FHIT: variants seen among roughly 807,000 people sequenced by gnomAD.
The protein encoded by FHIT is bis(5'-adenosyl)-triphosphatase.
Under a neutral mutation model 17.9 loss-of-function variants are expected in FHIT, and 19 were observed. That is an observed-to-expected ratio of 1.06 (90% CI 0.74 to 1.56). The LOEUF is 1.56. Among genes scored for constraint, FHIT ranks in the 40% most tolerant of loss-of-function variants. The pLI is 0.00. For missense variants in FHIT, 248 were observed against 189.2 expected, an observed-to-expected ratio of 1.31 and a Z score of -1.82; for synonymous variants, 81 against 69.7, an observed-to-expected ratio of 1.16 and a Z score of -0.81.
intron 1 of FHIT, among the ~76,000 whole-genome samples, chr3:61,207,304 G>A (rs1560074114): frequency 6.6e-6 from 1 of 152,048 alleles, no homozygotes; most frequent in African/African-American, 2.4e-5. Flanking sequence ...TCTCTGCCCA[G>A]CTTTGGTATC....
chr3:61,240,199 C>T (rs1417370524), intron 1 of FHIT, among the ~76,000 whole-genome samples: 2 of 152,184 alleles, frequency 1.3e-5, no homozygotes, highest in Admixed American at 6.5e-5. Flanking sequence ...ATCCACCAGG[C>T]TGGCAGAACC....
intron 5 of FHIT, among the ~76,000 whole-genome samples, chr3:60,506,392 T>G (rs565115051): frequency 6.6e-6 from 1 of 152,306 alleles, no homozygotes; most frequent in African/African-American, 2.4e-5. Context: ...TTATCTATAT[T>G]ACAGAGATTG....
intron 3 of FHIT, among the ~76,000 whole-genome samples, chr3:60,889,346 C>T (rs1705383445): frequency 1.3e-5 from 2 of 152,228 alleles, no homozygotes; most frequent in Non-Finnish European, 2.9e-5. Context: ...ATTGTTCCAT[C>T]TGTAAGGGCG....
chr3:60,799,765 T>A (rs1049819584), intron 4 of FHIT, among the ~76,000 whole-genome samples: 3 of 152,226 alleles, frequency 2.0e-5, no homozygotes, highest in Non-Finnish European at 2.9e-5. Flanking sequence ...TATATATGAT[T>A]CTTGCTATAT....
intron 2 of FHIT, among the ~76,000 whole-genome samples, chr3:61,067,438 A>C (rs1284403705): frequency 6.6e-6 from 1 of 152,190 alleles, no homozygotes; most frequent in Non-Finnish European, 1.5e-5. Flanking sequence ...CTGGTTCTTA[A>C]TTGTCCCAGC....
intron 5 of FHIT, among the ~76,000 whole-genome samples, chr3:60,351,660 A>C (rs139774593): frequency 1.3e-5 from 2 of 152,328 alleles, no homozygotes; most frequent in Non-Finnish European, 2.9e-5. Context: ...GTGGTGAGGA[A>C]AGCAAGATAA....
chr3:59,960,597 T>A (rs1162442833), intron 7 of FHIT, among the ~76,000 whole-genome samples: 2 of 152,184 alleles, frequency 1.3e-5, no homozygotes, highest in Non-Finnish European at 2.9e-5. Flanking sequence ...CTAGAAATGG[T>A]TGAGGCTTTG....
At chr3:60,836,756 G>A (rs539440615) in intron 3 of FHIT, among the ~76,000 whole-genome samples, 4 of 152,218 alleles carry the variant, frequency 2.6e-5, no homozygotes, top group South Asian at 4.1e-4. Context: ...TCAGATTCCC[G>A]CCCAAAGCAA....
At chr3:59,868,155 A>T (rs1420078609) in intron 8 of FHIT, among the ~76,000 whole-genome samples, 1 of 151,816 alleles carries the variant, frequency 6.6e-6, no homozygotes, top group Non-Finnish European at 1.5e-5. Flanking sequence ...AAATTTTCTC[A>T]AATCATAAAT....
At chr3:59,752,877 T>C (rs1184258064) in intron 8 of FHIT, among the ~76,000 whole-genome samples, 1 of 152,150 alleles carries the variant, frequency 6.6e-6, no homozygotes, top group Non-Finnish European at 1.5e-5. Context: ...CTGTTCCTTA[T>C]AAATTACCCA....
intron 5 of FHIT, among the ~76,000 whole-genome samples, chr3:60,319,117 C>T (rs1237979742): frequency 2.0e-5 from 3 of 152,154 alleles, no homozygotes; most frequent in Non-Finnish European, 4.4e-5. Flanking sequence ...AACCTGATCA[C>T]ATCTGCAAAG....
intron 4 of FHIT, among the ~76,000 whole-genome samples, chr3:60,725,711 G>T (rs1417762585): frequency 2.0e-5 from 3 of 152,066 alleles, no homozygotes; most frequent in African/African-American, 7.2e-5. Flanking sequence ...ATATCAGGAA[G>T]CAGTACCACC....
intron 5 of FHIT, among the ~76,000 whole-genome samples, chr3:60,462,929 C>T (rs1485794104): frequency 6.6e-6 from 1 of 152,192 alleles, no homozygotes; most frequent in Admixed American, 6.5e-5. Context: ...CCATGTATTC[C>T]TGGTCATATT....
chr3:60,730,291 T>G (rs1202448909), intron 4 of FHIT: 1 of 263,240 alleles, frequency 3.8e-6, no homozygotes, highest in African/African-American at 2.3e-5. Context: ...AGCTTCTGTT[T>G]CCATGTCTTC....
intron 3 of FHIT, among the ~76,000 whole-genome samples, chr3:60,854,920 C>T (rs1553749492): frequency 6.6e-6 from 1 of 152,114 alleles, no homozygotes; most frequent in Non-Finnish European, 1.5e-5. Context: ...CTACCATACA[C>T]AAGTATTTGT....
At chr3:60,704,343 T>G (rs1247193168) in intron 4 of FHIT, among the ~76,000 whole-genome samples, 1 of 152,218 alleles carries the variant, frequency 6.6e-6, no homozygotes, top group Non-Finnish European at 1.5e-5. Flanking sequence ...TCTATTTTTT[T>G]AGATACTTGA....
At chr3:60,144,599 T>C (rs749768845) in intron 5 of FHIT, among the ~76,000 whole-genome samples, 10 of 152,178 alleles carry the variant, frequency 6.6e-5, no homozygotes, top group African/African-American at 2.2e-4. Flanking sequence ...TTAATGTTTA[T>C]GTATTTTTTA....
chr3:61,073,250 T>C (rs1575963499), intron 2 of FHIT, among the ~76,000 whole-genome samples: 1 of 152,192 alleles, frequency 6.6e-6, no homozygotes, highest in Non-Finnish European at 1.5e-5. Flanking sequence ...TTGCTACTTG[T>C]ATGCATGGAC....
chr3:60,560,804 C>G (rs1347661024), intron 4 of FHIT, among the ~76,000 whole-genome samples: 3 of 39,654 alleles, frequency 7.6e-5, no homozygotes, highest in Admixed American at 3.1e-4. Flanking sequence ...TGTAAGGAGA[C>G]ACACACACAC....
Sources: gnomAD v4.1 joint callset for allele counts (sites outside exome capture counted in the v4.1 genomes callset) on GRCh38, gnomAD v4.1.1 for gene constraint, MANE v1.5 for transcripts, NCBI Gene and HGNC (gene_info 2026-07-23, HGNC 2026-07-21) for gene names.